CFAP44: variants seen among roughly 807,000 people sequenced by gnomAD.
CFAP44 encodes the protein cilia and flagella associated protein 44.
Under a neutral mutation model 216.2 loss-of-function variants are expected in CFAP44, and 134 were observed. The observed-to-expected ratio is 0.62, with a 90% CI of 0.54 to 0.72. CFAP44 has a LOEUF of 0.72. Among genes scored for constraint, CFAP44 ranks in the 30% least tolerant of loss-of-function variants. The pLI, the probability that CFAP44 is intolerant of heterozygous loss-of-function variation, is 0.00. For missense variants in CFAP44, 2,035 were observed against 2,182.1 expected (o/e 0.93, Z 1.34); for synonymous variants, 700 against 727.6 (o/e 0.96, Z 0.61).
intron 28 of CFAP44, among the ~76,000 whole-genome samples, chr3:113,318,585 A>G (rs899186236): frequency 1.3e-5 from 2 of 152,230 alleles, no homozygotes; most frequent in African/African-American, 4.8e-5. Flanking sequence ...AGCCCCAGCT[A>G]GATATGATAC....
chr3:113,319,156 A>G (rs769443241), intron 28 of CFAP44, among the ~76,000 whole-genome samples: 12 of 152,146 alleles, frequency 7.9e-5, no homozygotes, highest in Non-Finnish European at 1.5e-4. Context: ...GGATAAAAAG[A>G]CAAGAACCAA....
chr3:113,318,966 A>C lies in CFAP44; in HGVS notation c.4516+7479T>G, dbSNP rs560422328. Among the ~76,000 whole-genome samples, 107 of 151,580 alleles carry C rather than the reference A, an allele frequency of 7.1e-4. 1 individual carries two copies. Among genetic ancestry groups the C allele is most frequent in the African/African-American group, 2.3e-3 (97 of 41,316 alleles). Reference sequence around the variant, plus strand: ...CTCAAAAATAAAAAAACAAAAAAAAACAAAAAAAAAACAATACCCTTTAGC... The same window carrying C: ...CTCAAAAATAAAAAAACAAAAAAAACCAAAAAAAAAACAATACCCTTTAGC... On this transcript the variant is annotated intron_variant, in intron 28 of 34. Coordinates refer to ENST00000393845, the MANE Select transcript of CFAP44 (RefSeq NM_001164496.2).
At chr3:113,353,707 G>A (rs187886383) in intron 22 of CFAP44, among the ~76,000 whole-genome samples, 2 of 152,258 alleles carry the variant, frequency 1.3e-5, no homozygotes, top group African/African-American at 4.8e-5. Context: ...CTTTCAGAGT[G>A]AAGTACCAGA....
At chr3:113,298,085 G>T (rs1949899375) in intron 32 of CFAP44, among the ~76,000 whole-genome samples, 1 of 152,198 alleles carries the variant, frequency 6.6e-6, no homozygotes, top group African/African-American at 2.4e-5. Context: ...TGCCTGCCTG[G>T]CCTCTCTCAG....
At chr3:113,399,298 A>G (rs1363751275) in intron 13 of CFAP44, among the ~76,000 whole-genome samples, 1 of 152,176 alleles carries the variant, frequency 6.6e-6, no homozygotes, top group East Asian at 1.9e-4. Flanking sequence ...CCCAACACAA[A>G]GACTACATGA....
rs773839968 is a variant in CFAP44 at position 113,330,281 on chromosome 3, C to A, written c.4003G>T (p.Asp1335Tyr). The A allele has an allele frequency of 6.5e-7, 1 of 1,537,276 alleles. No homozygotes were observed. The highest frequency in any genetic ancestry group is 1.4e-5 in the African/African-American group (1 of 73,012). The change falls in exon 26 of 35, where the codon GAT (aspartate) becomes TAT (tyrosine). Residue 1335 changes from aspartate to tyrosine, a missense_variant. Physicochemically the swap from Asp to Tyr is radical, Grantham distance 160. Transcript: ENST00000393845. ...TCAAATTCCAAACACTTTGGTATAT[C>A]TAGGCTGAATGTTGATGCCTTTGAT... ...RSSKASTFSL[D>Y]IPKCLEFEKA...
chr3:113,390,699 C>A (rs1399439517), intron 15 of CFAP44, among the ~76,000 whole-genome samples: 1 of 152,052 alleles, frequency 6.6e-6, no homozygotes, highest in East Asian at 1.9e-4. Context: ...TATACACCAA[C>A]AGCAAACAAT....
rs1934302627 is a variant in CFAP44 at position 113,406,994 on chromosome 3, G to A, written c.938C>T (p.Ser313Leu). ...FTFTGLKLQG[S>L]LGRFGKTITT... ...GATTGTTTTGCCAAATCGACCTAGTGATCCCTGCAGCTTGAGACCGGTGAA... is the reference window on the plus strand; with the variant it reads ...GATTGTTTTGCCAAATCGACCTAGTAATCCCTGCAGCTTGAGACCGGTGAA... The change falls in exon 8 of 35, where the codon TCA becomes TTA. Residue 313 changes from serine to leucine, a missense_variant. By Grantham distance (145) the Ser-to-Leu change is moderately radical. This residue lies in a region of CFAP44 where 1,883 missense variants were observed against 2,023.7 expected (regional missense o/e 0.93). Coordinates refer to ENST00000393845, the MANE Select transcript of CFAP44 (RefSeq NM_001164496.2). 6.2e-7 allele frequency: 1 copy of A among 1,614,098 alleles called. No individual in the cohort carries two copies.
At chr3:113,395,309 A>T (rs899131623) in intron 15 of CFAP44, among the ~76,000 whole-genome samples, 8 of 152,238 alleles carry the variant, frequency 5.3e-5, no homozygotes, top group Non-Finnish European at 1.0e-4. Flanking sequence ...AGGATAGAAG[A>T]GAAAATAGAT....
At chr3:113,441,134 G>T (rs1935351947) in intron 1 of CFAP44, among the ~76,000 whole-genome samples, 2 of 152,050 alleles carry the variant, frequency 1.3e-5, no homozygotes, top group African/African-American at 4.8e-5. Flanking sequence ...TGTCTCACTG[G>T]AGCGGGGAGC....
At position 113,402,332 on chromosome 3, in the gene CFAP44, A is replaced by G. The variant is rs1458859113; in HGVS notation, c.1171-593T>C. Among the ~76,000 whole-genome samples, 4 of 152,234 alleles carry G rather than the reference A, an allele frequency of 2.6e-5. No individual in the cohort carries two copies. In the East Asian group the frequency reaches 7.7e-4, roughly 29 times the overall value. ...CCAAACATGTCTCAGTAAGTGAGAC[A>G]GTAAATGTTACTATCTGACAGTGAG... is the stretch of plus-strand genomic sequence containing the variant. On this transcript the variant is annotated intron_variant, in intron 9 of 34. Coordinates refer to ENST00000393845, the MANE Select transcript of CFAP44 (RefSeq NM_001164496.2).
At chr3:113,404,800 T>C (rs72944569) in intron 8 of CFAP44, among the ~76,000 whole-genome samples, 1,868 of 152,226 alleles carry the variant, frequency 0.012, 30 homozygotes, top group African/African-American at 0.042. Flanking sequence ...GAGGAGAACA[T>C]TGAAGCACAA....
intron 22 of CFAP44, among the ~76,000 whole-genome samples, chr3:113,357,503 G>A (rs540797991): frequency 6.6e-6 from 1 of 152,254 alleles, no homozygotes; most frequent in Non-Finnish European, 1.5e-5. Flanking sequence ...GAAAACCAAA[G>A]GTTGCTGGCA....
In CFAP44 at chr3:113,330,404, C is replaced by T. The variant is rs1440739706; in HGVS notation, c.3880G>A (p.Val1294Met). 1 of 1,537,278 alleles carries T rather than the reference C, an allele frequency of 6.5e-7. No homozygotes were observed. Among genetic ancestry groups the T allele is most frequent in the Non-Finnish European group, 8.7e-7 (1 of 1,146,938 alleles). The change falls in exon 26 of 35, where the codon GTG (valine) becomes ATG (methionine). Residue 1294 changes from valine (V) to methionine (M), a missense_variant. Physicochemically the swap from Val to Met is conservative, Grantham distance 21. Around this residue, in one of 3 missense-constraint regions of CFAP44, gnomAD observed 1,883 missense variants for 2,023.7 expected, o/e 0.93. Coordinates refer to ENST00000393845, the MANE Select transcript of CFAP44 (RefSeq NM_001164496.2). Reference sequence around the variant, plus strand: ...GGGCCTCCAGACCCTGTCTGTTCCACTCCGGGGGACTTTTCATCTTTACTT... The same window carrying T: ...GGGCCTCCAGACCCTGTCTGTTCCATTCCGGGGGACTTTTCATCTTTACTT... Reference protein sequence around the residue: ...MKSKDEKSPGVEQTGSGGPVG... With the variant: ...MKSKDEKSPGMEQTGSGGPVG...
At chr3:113,293,947 C>G (rs1576532377) in intron 34 of CFAP44, 1 of 456,004 alleles carries the variant, frequency 2.2e-6, no homozygotes, top group East Asian at 7.0e-5. Context: ...GGCCTTAGCA[C>G]CTGCATTTTA....
At chr3:113,377,898 G>A (rs1235655210) in intron 17 of CFAP44, among the ~76,000 whole-genome samples, 1 of 152,042 alleles carries the variant, frequency 6.6e-6, no homozygotes, top group African/African-American at 2.4e-5. Context: ...TGATCCACCC[G>A]CCTCGGCCTC....
chr3:113,379,658 A>G, intron 16 of CFAP44, 107 bp from the exon 17 acceptor site: 1 of 804,428 alleles, frequency 1.2e-6, no homozygotes. Context: ...CAGCTCTGTA[A>G]CAAATAATAT....
chr3:113,300,998 G>T (rs137990729), intron 32 of CFAP44, among the ~76,000 whole-genome samples: 7 of 152,118 alleles, frequency 4.6e-5, no homozygotes, highest in African/African-American at 1.4e-4. Context: ...CTACTTTTAG[G>T]TATGAAACCC....
At chr3:113,316,411 C>T (rs554176724) in intron 28 of CFAP44, among the ~76,000 whole-genome samples, 1 of 151,724 alleles carries the variant, frequency 6.6e-6, no homozygotes, top group Non-Finnish European at 1.5e-5. Flanking sequence ...CAAAAGCAAG[C>T]AGGAAAAAAT....
Sources: gnomAD v4.1 joint callset for allele counts (sites outside exome capture counted in the v4.1 genomes callset) on GRCh38, gnomAD v4.1.1 for gene constraint, gnomAD v4.1.1 regional missense constraint, MANE v1.5 for transcripts, NCBI Gene and HGNC (gene_info 2026-07-23, HGNC 2026-07-21) for gene names.